CYP24A1: variants seen among roughly 807,000 people sequenced by gnomAD.
CYP24A1 encodes 1,25-dihydroxyvitamin D(3) 24-hydroxylase, mitochondrial.
In CYP24A1, 68 loss-of-function variants were observed where a neutral mutation model predicts 62.4. That is an observed-to-expected ratio of 1.09 (90% CI 0.90 to 1.33). CYP24A1 has a LOEUF of 1.33. Ranked by LOEUF, CYP24A1 falls within the 40% of genes most tolerant of loss-of-function variation. The pLI, the probability that CYP24A1 is intolerant of heterozygous loss-of-function variation, is 0.00. For synonymous variants in CYP24A1, 267 were observed against 253.0 expected, an observed-to-expected ratio of 1.06 and a Z score of -0.52; for missense variants, 787 against 653.0, an observed-to-expected ratio of 1.21 and a Z score of -2.24.
chr20:54,168,214 C>T (rs1001771825), intron 4 of CYP24A1, among the ~76,000 whole-genome samples: 9 of 152,330 alleles, frequency 5.9e-5, no homozygotes, highest in Middle Eastern at 3.4e-3. Flanking sequence ...ATGTCCTCAG[C>T]CAGGCGCTGT....
chr20:54,168,862 C>CCCTCA, intron 4 of CYP24A1, among the ~76,000 whole-genome samples: 1 of 40,596 alleles, frequency 2.5e-5, no homozygotes, highest in Non-Finnish European at 4.8e-5. Flanking sequence ...TTCCTTCCTT[C>CCCTCA]CTTCCTTCCT....
At chr20:54,157,664 C>T in intron 9 of CYP24A1, 79 bp from the exon 10 acceptor site, 3 of 887,794 alleles carry the variant, frequency 3.4e-6, no homozygotes, top group Non-Finnish European at 5.7e-6. Context: ...CAAGTTGTCA[C>T]CTTACAAATC....
chr20:54,146,272 T>G, the CYP24A1 span, among the ~76,000 whole-genome samples: 38 of 152,218 alleles, frequency 2.5e-4, no homozygotes, highest in African/African-American at 9.2e-4. Flanking sequence ...GTATATCGGA[T>G]GAAACACAGG....
Position 54,153,785 on chromosome 20 carries a change from A to G in CYP24A1, c.*987T>C, listed in dbSNP as rs118099730. On this transcript the variant is annotated 3_prime_UTR_variant, in exon 12 of 12. Coordinates refer to ENST00000216862, the MANE Select transcript of CYP24A1 (RefSeq NM_000782.5). ...ATGCATTTCTGTGCATTTTACATTT[A>G]TGAAATCATATTTTTCCTAGGAGTT... 2.2e-4 allele frequency: 33 copies of G among 152,786 alleles called. No individual in the cohort carries two copies. Among genetic ancestry groups the G allele is most frequent in the East Asian group, 9.6e-4 (5 of 5,194 alleles). The allele number at this position is 152,786 out of a possible 1,614,324, so 9.5% of individuals were successfully genotyped here.
rs1438805952 is a variant in CYP24A1, at chr20:54,157,450, C to T, written c.1372G>A (p.Gly458Arg). The T allele has an allele frequency of 6.2e-7, 1 of 1,606,148 alleles. No homozygotes were observed. Among genetic ancestry groups the T allele is most frequent in the Non-Finnish European group, 8.5e-7 (1 of 1,172,734 alleles). ...NPFAHLPFGV[G>R]KRMCIGRRLA... ...CGGCGACCAATGCACATTCTTTTTC[C>T]AACGCCAAATGGAAGATGCGCAAAA... is the stretch of plus-strand genomic sequence containing the variant. The change falls in exon 10 of 12, where the codon GGA becomes AGA. Residue 458 changes from glycine to arginine, a missense_variant. Physicochemically the swap from Gly to Arg is moderately radical, Grantham distance 125. Coordinates refer to ENST00000216862, the MANE Select transcript of CYP24A1 (RefSeq NM_000782.5).
chr20:54,145,791 T>G, the CYP24A1 span, among the ~76,000 whole-genome samples: 1 of 152,212 alleles, frequency 6.6e-6, no homozygotes, highest in East Asian at 1.9e-4. Context: ...CGACATATTC[T>G]ATTGGTTAGA....
At chr20:54,162,586 C>CCGTGGTA (rs1378368301) in intron 7 of CYP24A1, 131 bp downstream of exon 7, 6 of 747,214 alleles carry the variant, frequency 8.0e-6, no homozygotes, top group African/African-American at 3.5e-5. Flanking sequence ...TAGTATGAGA[C>CCGTGGTA]TTTTCATTTT....
At chr20:54,161,939 T>C (rs2092651917) in intron 7 of CYP24A1, among the ~76,000 whole-genome samples, 1 of 152,216 alleles carries the variant, frequency 6.6e-6, no homozygotes, top group South Asian at 2.1e-4. Context: ...GCATGAAATG[T>C]TGGACTTAGG....
At chr20:54,157,621 A>G in intron 9 of CYP24A1, 36 bp from the exon 10 acceptor site, 1 of 1,218,982 alleles carries the variant, frequency 8.2e-7, no homozygotes, top group Non-Finnish European at 1.2e-6. Context: ...ATTTAAAATA[A>G]CCAGAAGAGA....
At chr20:54,151,363 GAGAATCACC>G (rs2092612152), downstream of CYP24A1, among the ~76,000 whole-genome samples, 5 of 152,138 alleles carry the variant, frequency 3.3e-5, no homozygotes, top group South Asian at 1.0e-3. Context: ...GGGACTGATG[GAGAATCACC>G]AGGACAATTA....
chr20:54,172,702 G>A, intron 2 of CYP24A1: 5 of 1,203,642 alleles, frequency 4.2e-6, no homozygotes, highest in Non-Finnish European at 5.6e-6. Flanking sequence ...CGCAGGTGCT[G>A]GGTGCACAGC....
Position 54,173,141 on chromosome 20 carries a change from C to T in CYP24A1, c.259-42G>A, listed in dbSNP as rs2092700431. Reference sequence around the variant, plus strand: ...ACAGCGCGGTGTCAGCGCGCATCCTCCGCCGTGCCCGAAGCGCTTTCCCTC... The same window carrying T: ...ACAGCGCGGTGTCAGCGCGCATCCTTCGCCGTGCCCGAAGCGCTTTCCCTC... On this transcript the variant is annotated intron_variant, in intron 1 of 11. Coordinates refer to ENST00000216862, the MANE Select transcript of CYP24A1 (RefSeq NM_000782.5). The surrounding 1 kb of genome is among the most constrained non-coding windows in gnomAD (Gnocchi z 7.2). The T allele has an allele frequency of 1.3e-6, 2 of 1,594,588 alleles. No individual in the cohort carries two copies. Among genetic ancestry groups the T allele is most frequent in the African/African-American group, 1.3e-5 (1 of 74,778 alleles).
intron 4 of CYP24A1, among the ~76,000 whole-genome samples, chr20:54,167,887 G>A (rs1426585429): frequency 6.6e-6 from 1 of 152,192 alleles, no homozygotes. Context: ...CAGCCACAGT[G>A]ATCCTCCCAG....
chr20:54,157,833 C>T (rs938039219), intron 9 of CYP24A1, among the ~76,000 whole-genome samples: 1 of 152,200 alleles, frequency 6.6e-6, no homozygotes, highest in Admixed American at 6.5e-5. Context: ...CTTTTACAGA[C>T]GAAGTTGAGG....
In CYP24A1 at chr20:54,153,510, CAAG is replaced by C. The variant is rs2092616388; in HGVS notation, c.*1259_*1261del. ...TTGAAGGTATACAGATGAAATCTGACAAGACGTGAATTTATAATTCTAAAAATA... is the reference window on the plus strand; with the variant it reads ...TTGAAGGTATACAGATGAAATCTGACACGTGAATTTATAATTCTAAAAATA... On this transcript the variant is annotated 3_prime_UTR_variant, in exon 12 of 12. Coordinates refer to ENST00000216862, the MANE Select transcript of CYP24A1 (RefSeq NM_000782.5). 9.1e-6 allele frequency: 1 copy of C among 109,664 alleles called. No individual in the cohort carries two copies. The highest frequency in any genetic ancestry group is 4.7e-5 in the African/African-American group (1 of 21,390). The allele number at this position is 109,664 out of a possible 1,614,324, so 6.8% of individuals were successfully genotyped here.
At chr20:54,148,991 AT>A (rs1164284458), downstream of CYP24A1, among the ~76,000 whole-genome samples, 1 of 152,038 alleles carries the variant, frequency 6.6e-6, no homozygotes, top group Non-Finnish European at 1.5e-5. Context: ...TTTGATTGAC[AT>A]TTCCTCCCCT....
Position 54,173,701 on chromosome 20 carries a change from G to A in CYP24A1, c.-122C>T, listed in dbSNP as rs917229643. 4 of 678,874 alleles carry A rather than the reference G, an allele frequency of 5.9e-6. No homozygotes were observed. In the African/African-American group the frequency reaches 7.2e-5, roughly 12 times the overall value. The allele number at this position is 678,874 out of a possible 1,614,324, so 42.1% of individuals were successfully genotyped here. ...GAAAAGGAAGCAAAGAGGGCCAGCT[G>A]GTGTGATGGAGCGGGGTGAGGCGGG... is the stretch of plus-strand genomic sequence containing the variant. On this transcript the variant is annotated 5_prime_UTR_variant, in exon 1 of 12. Coordinates refer to ENST00000216862, the MANE Select transcript of CYP24A1 (RefSeq NM_000782.5). The surrounding 1 kb of genome is among the most constrained non-coding windows in gnomAD (Gnocchi z 7.2).
chr20:54,173,473 G>A lies in CYP24A1; in HGVS notation c.107C>T (p.Pro36Leu). ...GCAGACTGGCACCTCTCGCGGCTGA[G>A]GGGACGTGTACGCCGTAGATGTCAC... ...RLVTSTAYTS[P>L]QPREVPVCPL... Residue 36 changes from proline to leucine, a missense_variant, in exon 1 of 12, where the codon CCT becomes CTT. Physicochemically the swap from Pro to Leu is moderately conservative, Grantham distance 98 (BLOSUM62 -3). Transcript: ENST00000216862. This position sits in a 1 kb window ranked among gnomAD's most constrained non-coding sequence, Gnocchi z 7.2. 1.3e-6 allele frequency: 2 copies of A among 1,566,690 alleles called. No individual in the cohort carries two copies. The highest frequency in any genetic ancestry group is 1.7e-6 in the Non-Finnish European group (2 of 1,155,890).
At position 54,173,429 on chromosome 20, in the gene CYP24A1, C is replaced by A. The variant is rs1267305792; in HGVS notation, c.151G>T (p.Glu51Ter). 6.4e-7 allele frequency: 1 copy of A among 1,571,340 alleles called. No homozygotes were observed. The highest frequency in any genetic ancestry group is 8.6e-7 in the Non-Finnish European group (1 of 1,157,666). Residue 51 changes from glutamate (E) to a stop codon, truncating the protein, a stop_gained, in exon 1 of 12, where the codon GAG (glutamate) becomes TAG (stop). Coordinates refer to ENST00000216862, the MANE Select transcript of CYP24A1 (RefSeq NM_000782.5). LOFTEE classifies it high-confidence loss of function. This position sits in a 1 kb window ranked among gnomAD's most constrained non-coding sequence, Gnocchi z 7.2. ...VPVCPLTAGG[E>*]TQNAAALPGP... ...GGCAGGGCGGCCGCGTTCTGAGTCT[C>A]GCCACCAGCTGTCAGCGGGCAGACT...
Sources: allele counts gnomAD v4.1 joint callset (sites outside exome capture counted in the v4.1 genomes callset), GRCh38; gene constraint gnomAD v4.1.1; non-coding constraint Gnocchi (gnomAD v3.1); transcripts MANE v1.5; gene names NCBI Gene and HGNC (gene_info 2026-07-23, HGNC 2026-07-21).